ELP4: variants seen among roughly 807,000 people sequenced by gnomAD.
ELP4 encodes elongator complex protein 4.
A neutral mutation model predicts 48.9 loss-of-function variants in ELP4; 51 were observed. That is an observed-to-expected ratio of 1.04 (90% CI 0.83 to 1.32). ELP4 has a LOEUF of 1.32. ELP4 is among the 40% of genes most tolerant of loss of function. ELP4 has a pLI of 0.00. For missense variants in ELP4, 519 were observed against 514.6 expected, an observed-to-expected ratio of 1.01 and a Z score of -0.08; for synonymous variants, 210 against 189.2, an observed-to-expected ratio of 1.11 and a Z score of -0.90.
In ELP4 at chr11:31,560,716, TTA is replaced by T. The variant is rs539010063; in HGVS notation, c.381+20944_381+20945del. Among the ~76,000 whole-genome samples the T allele has an allele frequency of 3.3e-5, 5 of 150,128 alleles. No homozygotes were observed. In the South Asian group the frequency reaches 1.1e-3, roughly 32 times the overall value. On this transcript the variant is annotated intron_variant, in intron 3 of 9. Coordinates refer to ENST00000640961, the MANE Select transcript of ELP4 (RefSeq NM_019040.5). ...TATATATATATAAAACAACGTTGTT[TTA>T]TATATATATAAAACAACATTGTTTT... is the stretch of plus-strand genomic sequence containing the variant.
chr11:31,672,837 T>G (rs960119706), intron 9 of ELP4, among the ~76,000 whole-genome samples: 1 of 151,816 alleles, frequency 6.6e-6, no homozygotes, highest in African/African-American at 2.4e-5. Context: ...AAAAAGAAAG[T>G]CATAATTCAG....
At chr11:31,694,600 G>A (rs1946358964) in intron 9 of ELP4, among the ~76,000 whole-genome samples, 1 of 152,174 alleles carries the variant, frequency 6.6e-6, no homozygotes, top group Non-Finnish European at 1.5e-5. Flanking sequence ...GCTGCGATAT[G>A]CCTCTGGCTT....
intron 4 of ELP4, 84 bp from the exon 5 acceptor site, chr11:31,603,684 G>A (rs1957821237): frequency 5.8e-6 from 8 of 1,391,134 alleles, no homozygotes; most frequent in Non-Finnish European, 7.9e-6. Flanking sequence ...TCATAAATAT[G>A]CCATTGTTTT....
intron 3 of ELP4, among the ~76,000 whole-genome samples, chr11:31,592,492 A>G (rs948881435): frequency 6.0e-5 from 9 of 149,904 alleles, no homozygotes; most frequent in Non-Finnish European, 7.4e-5. Flanking sequence ...GTATATATAT[A>G]TGTGTGTATA....
chr11:31,721,205 G>A (rs1946952776), intron 9 of ELP4, among the ~76,000 whole-genome samples: 1 of 152,174 alleles, frequency 6.6e-6, no homozygotes, highest in Non-Finnish European at 1.5e-5. Context: ...AAGTCAATGA[G>A]CTGCCTTCAG....
At chr11:31,674,182 A>G (rs1198990943) in intron 9 of ELP4, among the ~76,000 whole-genome samples, 2 of 152,234 alleles carry the variant, frequency 1.3e-5, no homozygotes, top group African/African-American at 2.4e-5. Context: ...TGAACAATAG[A>G]CAAAATCTGT....
chr11:31,699,356 C>T (rs1011884110), intron 9 of ELP4, among the ~76,000 whole-genome samples: 1 of 152,082 alleles, frequency 6.6e-6, no homozygotes, highest in Non-Finnish European at 1.5e-5. Context: ...GAGGTTCCTA[C>T]TAGCCAGTCT....
At chr11:31,741,524 G>C (rs1034307665) in intron 9 of ELP4, among the ~76,000 whole-genome samples, 3 of 152,266 alleles carry the variant, frequency 2.0e-5, no homozygotes, top group Admixed American at 2.0e-4. Flanking sequence ...ACCTCACACA[G>C]CCGGGTACTC....
At chr11:31,678,507 G>A (rs751934583) in intron 9 of ELP4, among the ~76,000 whole-genome samples, 1,356 of 105,368 alleles carry the variant, frequency 0.013, 26 homozygotes, top group South Asian at 0.064. Flanking sequence ...GTGTGTGTGT[G>A]TGTGTGTGTG....
intron 3 of ELP4, among the ~76,000 whole-genome samples, chr11:31,583,439 A>G (rs915825905): frequency 3.9e-5 from 6 of 152,156 alleles, no homozygotes; most frequent in Non-Finnish European, 7.3e-5. Context: ...ACAAAAGATT[A>G]AAAAGAAAAT....
intron 9 of ELP4, among the ~76,000 whole-genome samples, chr11:31,743,371 T>G (rs981970308): frequency 3.3e-5 from 5 of 152,132 alleles, no homozygotes; most frequent in African/African-American, 1.2e-4. Flanking sequence ...ACCCAGGAAT[T>G]GAACTCAGCT....
At chr11:31,678,868 C>G (rs552298082) in intron 9 of ELP4, among the ~76,000 whole-genome samples, 2 of 152,278 alleles carry the variant, frequency 1.3e-5, no homozygotes, top group East Asian at 3.9e-4. Context: ...TTTTAAATTC[C>G]CACCAGCAAT....
At chr11:31,642,891 A>G (rs1029543121) in intron 7 of ELP4, among the ~76,000 whole-genome samples, 1 of 151,854 alleles carries the variant, frequency 6.6e-6, no homozygotes, top group African/African-American at 2.4e-5. Flanking sequence ...ATTATTTCAC[A>G]GTCTTGATTA....
At chr11:31,534,470 A>T (rs1389665658) in intron 2 of ELP4, among the ~76,000 whole-genome samples, 1 of 152,156 alleles carries the variant, frequency 6.6e-6, no homozygotes, top group Non-Finnish European at 1.5e-5. Flanking sequence ...TAAAAGCTGC[A>T]TGAAAAGTCC....
intron 9 of ELP4, among the ~76,000 whole-genome samples, chr11:31,727,458 G>A (rs1947099046): frequency 6.6e-6 from 1 of 152,040 alleles, no homozygotes; most frequent in Admixed American, 6.6e-5. Flanking sequence ...CACTTTTATT[G>A]AATGTCAAAA....
At chr11:31,513,225 A>G (rs1219942476) in intron 1 of ELP4, among the ~76,000 whole-genome samples, 3 of 152,180 alleles carry the variant, frequency 2.0e-5, no homozygotes, top group Admixed American at 6.5e-5. Context: ...TTTTATTGCT[A>G]TGTAAAATTA....
chr11:31,517,597 G>A (rs1956138329), intron 1 of ELP4, among the ~76,000 whole-genome samples: 3 of 151,874 alleles, frequency 2.0e-5, no homozygotes, highest in Admixed American at 2.0e-4. Flanking sequence ...AATTAACATT[G>A]ACTCCAGTTG....
At chr11:31,722,592 G>T (rs1231647423) in intron 9 of ELP4, among the ~76,000 whole-genome samples, 1 of 151,676 alleles carries the variant, frequency 6.6e-6, no homozygotes, top group Non-Finnish European at 1.5e-5. Context: ...GGGTCCTGTG[G>T]TTCAAAAAAC....
chr11:31,782,136 CAAGG>C (rs1948391540), intron 9 of ELP4, among the ~76,000 whole-genome samples: 1 of 152,144 alleles, frequency 6.6e-6, no homozygotes, highest in Non-Finnish European at 1.5e-5. Flanking sequence ...AGGTTGAAAT[CAAGG>C]AAGAATATTT....
Sources: allele counts gnomAD v4.1 joint callset (sites outside exome capture counted in the v4.1 genomes callset), GRCh38; gene constraint gnomAD v4.1.1; transcripts MANE v1.5; gene names NCBI Gene and HGNC (gene_info 2026-07-23, HGNC 2026-07-21).